The following TPRG1 variants were observed in gnomAD, a reference collection of about 807,000 sequenced individuals.
TPRG1 encodes the protein tumor protein p63-regulated gene 1 protein.
TPRG1 carries 29 observed loss-of-function variants against 29.3 expected under a neutral mutation model. That is an observed-to-expected ratio of 0.99 (90% CI 0.74 to 1.35). The LOEUF (loss-of-function observed/expected upper bound fraction) is 1.35. Ranked by LOEUF, TPRG1 falls within the 40% of genes most tolerant of loss-of-function variation. TPRG1 has a pLI of 0.00. For synonymous variants in TPRG1, 130 were observed against 116.8 expected (o/e 1.11, Z -0.73); for missense variants, 327 against 335.0 (o/e 0.98, Z 0.19).
intron 1 of TPRG1, among the ~76,000 whole-genome samples, chr3:189,124,331 G>A (rs947866587): frequency 4.6e-5 from 7 of 152,120 alleles, no homozygotes; most frequent in Admixed American, 1.3e-4. Context: ...GGGGAGCTCA[G>A]AAGGGGTGAC....
intron 2 of TPRG1, among the ~76,000 whole-genome samples, chr3:189,211,341 A>C (rs1735229024): frequency 6.6e-6 from 1 of 152,178 alleles, no homozygotes; most frequent in African/African-American, 2.4e-5. Flanking sequence ...CAATTTCTCC[A>C]GTGCCAGGAG....
chr3:189,096,320 G>T (rs929528831), upstream of TPRG1, among the ~76,000 whole-genome samples: 1 of 152,090 alleles, frequency 6.6e-6, no homozygotes, highest in African/African-American at 2.4e-5. Flanking sequence ...CTGGCTTCTC[G>T]AGTGTTACCT....
At chr3:189,135,100 C>T (rs949860663) in intron 3 of TPRG1, among the ~76,000 whole-genome samples, 1 of 152,148 alleles carries the variant, frequency 6.6e-6, no homozygotes. Flanking sequence ...GTACTTCTGT[C>T]GTCAGATGCA....
At chr3:189,114,141 G>T (rs762834777) in intron 1 of TPRG1, among the ~76,000 whole-genome samples, 11 of 152,064 alleles carry the variant, frequency 7.2e-5, no homozygotes, top group Non-Finnish European at 1.0e-4. Context: ...TTTTATTGTG[G>T]GGTGTTTTGA....
chr3:189,070,905 A>G (rs1359614740), intron 4 of TPRG1, among the ~76,000 whole-genome samples: 1 of 152,138 alleles, frequency 6.6e-6, no homozygotes, highest in Non-Finnish European at 1.5e-5. Context: ...GATAGAGGCC[A>G]CAAAGCTGAG....
At chr3:189,044,169 A>G (rs1213146417) in intron 4 of TPRG1, among the ~76,000 whole-genome samples, 1 of 152,204 alleles carries the variant, frequency 6.6e-6, no homozygotes, top group Non-Finnish European at 1.5e-5. Flanking sequence ...GCAAGTAAAT[A>G]AATAAATACA....
chr3:189,260,942 A>G (rs1168139646), intron 4 of TPRG1, among the ~76,000 whole-genome samples: 1 of 152,180 alleles, frequency 6.6e-6, no homozygotes, highest in Non-Finnish European at 1.5e-5. Flanking sequence ...TCCTGAAATG[A>G]GAGCTTGAAA....
chr3:189,019,214 A>G (rs1578198511), intron 3 of TPRG1, among the ~76,000 whole-genome samples: 1 of 151,426 alleles, frequency 6.6e-6, no homozygotes, highest in East Asian at 2.0e-4. Flanking sequence ...CTAATTGAAT[A>G]CCCTTTATTT....
At chr3:189,299,460 T>C (rs946179398) in intron 4 of TPRG1, among the ~76,000 whole-genome samples, 5 of 152,114 alleles carry the variant, frequency 3.3e-5, no homozygotes, top group Non-Finnish European at 5.9e-5. Context: ...CCCCTCAAAA[T>C]TGATGAAGGA....
chr3:189,148,678 C>T (rs540413987), intron 4 of TPRG1, among the ~76,000 whole-genome samples: 8 of 152,304 alleles, frequency 5.3e-5, no homozygotes, highest in South Asian at 2.1e-4. Flanking sequence ...GGCAATGAAT[C>T]GGCTCTAGAT....
chr3:189,031,135 C>CA (rs1225339359), intron 4 of TPRG1, among the ~76,000 whole-genome samples: 1 of 151,842 alleles, frequency 6.6e-6, no homozygotes, highest in African/African-American at 2.4e-5. Flanking sequence ...ACAACAACAA[C>CA]AAAAAATTAT....
intron 3 of TPRG1, among the ~76,000 whole-genome samples, chr3:189,221,087 A>T (rs1453848913): frequency 6.6e-6 from 1 of 152,248 alleles, no homozygotes; most frequent in Non-Finnish European, 1.5e-5. Flanking sequence ...ATATCCAAGT[A>T]AGAAATATGT....
intron 4 of TPRG1, among the ~76,000 whole-genome samples, chr3:189,295,027 C>A (rs1719663638): frequency 6.6e-6 from 1 of 152,240 alleles, no homozygotes; most frequent in Non-Finnish European, 1.5e-5. Context: ...TAGAAAAACT[C>A]CAACACTTTC....
rs201075400 is a variant in TPRG1, at chr3:189,311,418, T to C, written c.633+879T>C. On this transcript the variant is annotated intron_variant, in intron 5 of 5. Coordinates refer to ENST00000345063, the MANE Select transcript of TPRG1 (RefSeq NM_198485.4). ...GTATGTAAAGACTTTCTGTGGTTGA[T>C]GGCATATATTACATTTCTTGCATTA... Among the ~76,000 whole-genome samples, 32 of 152,340 alleles carry C rather than the reference T, an allele frequency of 2.1e-4. No individual in the cohort carries two copies. The East Asian group carries it at 5.8e-3, about 28-fold the overall frequency.
chr3:189,280,714 G>A (rs142099313), intron 4 of TPRG1, among the ~76,000 whole-genome samples: 1 of 152,112 alleles, frequency 6.6e-6, no homozygotes, highest in Non-Finnish European at 1.5e-5. Context: ...ACCCTACCAT[G>A]GCTATTTCTC....
chr3:189,198,595 A>T (rs1371806410), intron 1 of TPRG1, among the ~76,000 whole-genome samples: 1 of 152,240 alleles, frequency 6.6e-6, no homozygotes, highest in Admixed American at 6.5e-5. Flanking sequence ...TTCCAATCTG[A>T]AGCACTGCCA....
At chr3:189,122,769 C>G (rs193159510) in intron 1 of TPRG1, among the ~76,000 whole-genome samples, 4 of 152,308 alleles carry the variant, frequency 2.6e-5, no homozygotes, top group African/African-American at 7.2e-5. Flanking sequence ...ACAAAGCCAT[C>G]ATTTATCTCA....
intron 4 of TPRG1, among the ~76,000 whole-genome samples, chr3:189,056,039 T>TCCTC (rs1715660958): frequency 4.4e-5 from 2 of 45,942 alleles, no homozygotes; most frequent in African/African-American, 1.5e-4. Flanking sequence ...CTCCCTTCCT[T>TCCTC]CCTTCCTTCC....
intron 4 of TPRG1, among the ~76,000 whole-genome samples, chr3:189,298,007 T>C (rs534632744): frequency 6.6e-6 from 1 of 152,234 alleles, no homozygotes; most frequent in Non-Finnish European, 1.5e-5. Flanking sequence ...GTGGTAGAAG[T>C]AAATCTTAAA....
Sources: gnomAD v4.1 joint callset for allele counts (sites outside exome capture counted in the v4.1 genomes callset) on GRCh38, gnomAD v4.1.1 for gene constraint, MANE v1.5 for transcripts, NCBI Gene and HGNC (gene_info 2026-07-23, HGNC 2026-07-21) for gene names.